SIRPG: variants seen among roughly 807,000 people sequenced by gnomAD.
SIRPG encodes the protein signal-regulatory protein gamma.
SIRPG carries 38 observed loss-of-function variants against 35.7 expected under a neutral mutation model. The observed-to-expected ratio is 1.06, with a 90% CI of 0.82 to 1.40. The LOEUF is 1.40. Ranked by LOEUF, SIRPG falls within the 40% of genes most tolerant of loss-of-function variation. The pLI, the probability that SIRPG is intolerant of heterozygous loss-of-function variation, is 0.00. For missense variants in SIRPG, 519 were observed against 483.0 expected (o/e 1.07, Z -0.70); for synonymous variants, 215 against 190.4 (o/e 1.13, Z -1.06).
the SIRPG span, among the ~76,000 whole-genome samples, chr20:1,675,626 C>T: frequency 6.6e-6 from 1 of 152,186 alleles, no homozygotes; most frequent in Non-Finnish European, 1.5e-5. Flanking sequence ...CTCAGGTCTC[C>T]TCTCTGAGCT....
rs1248745842 is a variant in SIRPG, at chr20:1,657,764, T to G, written c.-50A>C. 6.5e-7 allele frequency: 1 copy of G among 1,544,146 alleles called. No homozygotes were observed. Among genetic ancestry groups the G allele is most frequent in the Non-Finnish European group, 8.9e-7 (1 of 1,121,480 alleles). On this transcript the variant is annotated 5_prime_UTR_variant, in exon 1 of 6. Coordinates refer to ENST00000303415, the MANE Select transcript of SIRPG (RefSeq NM_018556.4). ...TGTTCAAACGTCTGTTCTGGGGAGA[T>G]GTCAGGCCCTGCTCTGAAGACAGAA...
intron 5 of SIRPG, 63 bp downstream of exon 5, chr20:1,630,159 C>T: frequency 7.9e-7 from 1 of 1,264,332 alleles, no homozygotes. Flanking sequence ...GTGGGCTGGG[C>T]CTTCCTGTTG....
chr20:1,660,041 G>T (rs2091992128), upstream of SIRPG, among the ~76,000 whole-genome samples: 1 of 152,182 alleles, frequency 6.6e-6, no homozygotes, highest in Admixed American at 6.5e-5. Context: ...AATGTGTAAA[G>T]TTCTTTAAAG....
intron 4 of SIRPG, 21 bp from the exon 5 acceptor site, chr20:1,630,327 G>A: frequency 1.9e-6 from 3 of 1,540,680 alleles, no homozygotes; most frequent in African/African-American, 1.4e-5. Flanking sequence ...GGGAAGACGA[G>A]GGGCTATGAG....
chr20:1,666,299 T>C, the SIRPG span: 1 of 152,178 alleles, frequency 6.6e-6, no homozygotes, highest in Non-Finnish European at 1.5e-5. Context: ...TACAGCAAGC[T>C]AAGGTTAATA....
At chr20:1,667,181 G>A in the SIRPG span, among the ~76,000 whole-genome samples, 2 of 152,224 alleles carry the variant, frequency 1.3e-5, no homozygotes, top group Non-Finnish European at 2.9e-5. Context: ...ACAGGTGTAA[G>A]CCACAATATC....
the SIRPG span, among the ~76,000 whole-genome samples, chr20:1,682,599 A>T: frequency 6.6e-6 from 1 of 152,264 alleles, no homozygotes; most frequent in African/African-American, 2.4e-5. Flanking sequence ...AAAAGTTTCA[A>T]GGACACACAA....
chr20:1,681,453 A>G, the SIRPG span, among the ~76,000 whole-genome samples: 1 of 152,264 alleles, frequency 6.6e-6, no homozygotes, highest in South Asian at 2.1e-4. Context: ...GGGTGATAAG[A>G]ATCTCTACCT....
At chr20:1,679,747 T>C in the SIRPG span, among the ~76,000 whole-genome samples, 35 of 152,328 alleles carry the variant, frequency 2.3e-4, no homozygotes, top group East Asian at 6.0e-3. Flanking sequence ...GCAATGAGAA[T>C]GGGATCATTC....
At chr20:1,671,516 G>C in the SIRPG span, among the ~76,000 whole-genome samples, 3 of 152,128 alleles carry the variant, frequency 2.0e-5, no homozygotes, top group African/African-American at 7.2e-5. Context: ...CAATCTCAGA[G>C]AGTGCCGAGA....
chr20:1,634,422 T>C lies in SIRPG; in HGVS notation c.1081+845A>G, dbSNP rs971839784. On this transcript the variant is annotated intron_variant, in intron 4 of 5. Coordinates refer to ENST00000303415, the MANE Select transcript of SIRPG (RefSeq NM_018556.4). ...TGGGGTTTCACCGTGTTAACCAGGA[T>C]GGTCTCGATCTCCTGACCTCGTGAT... 7.2e-5 allele frequency among the ~76,000 whole-genome samples: 11 copies of C among 151,934 alleles called. No individual in the cohort carries two copies. In the East Asian group the frequency reaches 2.2e-3, roughly 30 times the overall value.
the SIRPG span, among the ~76,000 whole-genome samples, chr20:1,682,547 A>G: frequency 6.6e-6 from 1 of 152,260 alleles, no homozygotes. Flanking sequence ...GGACAACTCC[A>G]TAAAAATGAA....
chr20:1,672,061 C>T, the SIRPG span, among the ~76,000 whole-genome samples: 2 of 152,166 alleles, frequency 1.3e-5, no homozygotes, highest in Non-Finnish European at 2.9e-5. Flanking sequence ...ATACAGGGAA[C>T]AATGGTGAAG....
intron 3 of SIRPG, 116 bp downstream of exon 3, chr20:1,636,072 C>T: frequency 6.9e-7 from 1 of 1,441,678 alleles, no homozygotes. Context: ...GGCGGGCGGG[C>T]AGTATAGTCA....
upstream of SIRPG, chr20:1,657,786 A>C: frequency 3.6e-6 from 5 of 1,401,886 alleles, no homozygotes; most frequent in Non-Finnish European, 5.0e-6. Flanking sequence ...CTCTGAAGAC[A>C]GAAGACAAGC....
intron 2 of SIRPG, among the ~76,000 whole-genome samples, chr20:1,640,229 C>T (rs1281173611): frequency 1.3e-5 from 2 of 152,160 alleles, no homozygotes; most frequent in African/African-American, 4.8e-5. Flanking sequence ...TTCATCCTTC[C>T]TATCCATGAG....
At chr20:1,649,026 A>G in intron 2 of SIRPG, 26 bp downstream of exon 2, 2 of 1,566,342 alleles carry the variant, frequency 1.3e-6, no homozygotes, top group East Asian at 2.2e-5. Flanking sequence ...ACATCAGGGG[A>G]TGAGGGAGGT....
chr20:1,668,216 TTTCTTTC>T, the SIRPG span, among the ~76,000 whole-genome samples: 3 of 49,774 alleles, frequency 6.0e-5, no homozygotes, highest in African/African-American at 1.5e-4. Context: ...TCTTTCTTTC[TTTCTTTC>T]TTTCTTTCTT....
At chr20:1,671,956 C>G in the SIRPG span, among the ~76,000 whole-genome samples, 1 of 152,214 alleles carries the variant, frequency 6.6e-6, no homozygotes, top group Non-Finnish European at 1.5e-5. Flanking sequence ...ATGTAACAGT[C>G]TGCAGAGATT....
Sources: gnomAD v4.1 joint callset for allele counts (sites outside exome capture counted in the v4.1 genomes callset) on GRCh38, gnomAD v4.1.1 for gene constraint, MANE v1.5 for transcripts, NCBI Gene and HGNC (gene_info 2026-07-23, HGNC 2026-07-21) for gene names.